The following SAFB variants were observed in gnomAD, a reference collection of about 807,000 sequenced individuals.
SAFB encodes the protein scaffold attachment factor B1.
SAFB carries 15 observed loss-of-function variants against 101.6 expected under a neutral mutation model. That is an observed-to-expected ratio of 0.15 (90% confidence interval 0.10 to 0.23). The LOEUF (loss-of-function observed/expected upper bound fraction) is 0.23. Ranked by LOEUF, SAFB falls within the 10% of genes least tolerant of loss-of-function variation. The pLI, the probability that SAFB is intolerant of heterozygous loss-of-function variation, is 1.00. For synonymous variants in SAFB, 449 were observed against 407.5 expected, an observed-to-expected ratio of 1.10 and a Z score of -1.23; for missense variants, 930 against 1,104.1, an observed-to-expected ratio of 0.84 and a Z score of 2.23.
At chr19:5,661,356 TG>T in intron 14 of SAFB, 161 bp from the exon 15 acceptor site, 1 of 1,281,938 alleles carries the variant, frequency 7.8e-7, no homozygotes. Context: ...GCTGCTCCTG[TG>T]GGCCCGAGAA....
At chr19:5,657,757 T>TTGC (rs1281464106) in intron 14 of SAFB, among the ~76,000 whole-genome samples, 4 of 151,914 alleles carry the variant, frequency 2.6e-5, no homozygotes, top group African/African-American at 9.7e-5. Flanking sequence ...ACTCCTGACC[T>TTGC]CAGGTGATCC....
chr19:5,650,256 C>T (rs1231826781), intron 8 of SAFB, among the ~76,000 whole-genome samples: 2 of 152,158 alleles, frequency 1.3e-5, no homozygotes, highest in Non-Finnish European at 2.9e-5. Context: ...AATAATTTTA[C>T]CCTACCAAAT....
In SAFB at chr19:5,667,978, G is replaced by T. The variant is rs1256540427; in HGVS notation, c.2624+92G>T. ...TAACAACCAAGTCCTTCCAGCTAGT[G>T]CCCCTCCCCCCAAGGGTGACGTGAG... On this transcript the variant is annotated intron_variant, in intron 20 of 20. Coordinates refer to ENST00000588852, the MANE Select transcript of SAFB (RefSeq NM_001201338.2). The surrounding 1 kb of genome is among the most constrained non-coding windows in gnomAD (Gnocchi z 4.0). 1.8e-5 allele frequency: 26 copies of T among 1,444,470 alleles called. No homozygotes were observed. The Admixed American group carries it at 4.5e-4, about 25-fold the overall frequency. The allele number at this position is 1,444,470 out of a possible 1,614,324, so 89.5% of individuals were successfully genotyped here.
intron 2 of SAFB, among the ~76,000 whole-genome samples, chr19:5,632,113 A>G (rs1480852124): frequency 6.6e-6 from 1 of 152,212 alleles, no homozygotes; most frequent in African/African-American, 2.4e-5. Flanking sequence ...GTACAAATTA[A>G]TAGGATGTTT....
chr19:5,651,063 A>G lies in SAFB; in HGVS notation c.1284A>G (p.Lys428=), dbSNP rs775514329. 24 of 1,603,350 alleles carry G rather than the reference A, an allele frequency of 1.5e-5. No individual in the cohort carries two copies. The highest frequency in any genetic ancestry group is 2.0e-5 in the Non-Finnish European group (23 of 1,173,150). ...RATDLKNLFS[K]YGKVVGAKVV... ...CAGATTTGAAGAATCTTTTCAGCAA[A>G]TATGGGAAGGTAAGTGCCAGAGCTT... The change falls in exon 9 of 21, where the codon AAA becomes AAG. Residue 428 remains lysine (K), a synonymous_variant. Coordinates refer to ENST00000588852, the MANE Select transcript of SAFB (RefSeq NM_001201338.2).
intron 1 of SAFB, among the ~76,000 whole-genome samples, chr19:5,624,290 G>A (rs1280780868): frequency 6.6e-6 from 1 of 150,800 alleles, no homozygotes; most frequent in Admixed American, 6.6e-5. Flanking sequence ...GATTAAATAA[G>A]TTTGCGTGGA....
At position 5,650,942 on chromosome 19, in the gene SAFB, TA is replaced by T. The variant is rs1568267512; in HGVS notation, c.1199-35del. The T allele has an allele frequency of 2.4e-6, 3 of 1,237,026 alleles. No individual in the cohort carries two copies. In the Admixed American group the frequency reaches 5.7e-5, roughly 23 times the overall value. 76.6% of individuals were successfully genotyped at this position (1,237,026 alleles called of 1,614,324 possible). A position where few individuals can be genotyped will look rare whatever the true frequency, so the allele number is the denominator to read the frequency against. ...TCTCTAAGACTCAAGATCTTGTGGG[TA>T]TTTGGGTTTTTACTAGAATTTTCTT... On this transcript the variant is annotated intron_variant, in intron 8 of 20. Transcript: ENST00000588852.
At chr19:5,632,200 T>C (rs141436552) in intron 2 of SAFB, among the ~76,000 whole-genome samples, 1,674 of 152,360 alleles carry the variant, frequency 0.011, 9 homozygotes, top group Middle Eastern at 0.051. Flanking sequence ...CCCAATCCTT[T>C]GCTGCTGGCT....
chr19:5,660,890 G>A (rs960065410), intron 14 of SAFB, among the ~76,000 whole-genome samples: 1 of 146,298 alleles, frequency 6.8e-6, no homozygotes, highest in Non-Finnish European at 1.5e-5. Flanking sequence ...TCTAGGGAGT[G>A]AAGGTTCCAA....
chr19:5,637,411 TGA>T (rs1484004163), intron 2 of SAFB, among the ~76,000 whole-genome samples: 1 of 151,362 alleles, frequency 6.6e-6, no homozygotes, highest in Admixed American at 6.6e-5. Context: ...CCCAGCACTT[TGA>T]GAGGCCCAAG....
chr19:5,656,033 ACTGTT>A (rs1401875454), intron 13 of SAFB, among the ~76,000 whole-genome samples: 1 of 152,204 alleles, frequency 6.6e-6, no homozygotes, highest in Non-Finnish European at 1.5e-5. Flanking sequence ...TATTAAATGT[ACTGTT>A]AGATCATATT....
Position 5,654,394 on chromosome 19 carries a change from G to A in SAFB, c.1693G>A (p.Val565Ile). 1.2e-6 allele frequency: 2 copies of A among 1,607,798 alleles called. No homozygotes were observed. Among genetic ancestry groups the A allele is most frequent in the Admixed American group, 1.7e-5 (1 of 59,848 alleles). The change falls in exon 13 of 21, where the codon GTA becomes ATA. Residue 565 changes from valine to isoleucine, a missense_variant. This residue lies in a region of SAFB where 159 missense variants were observed against 234.1 expected (regional missense o/e 0.68). Coordinates refer to ENST00000588852, the MANE Select transcript of SAFB (RefSeq NM_001201338.2). ...AAGTCGAGGGACCGAACGGACTGTAGTAATGGATAAATCCAAAGGGGTGCC... is the reference window on the plus strand; with the variant it reads ...AAGTCGAGGGACCGAACGGACTGTAATAATGGATAAATCCAAAGGGGTGCC... ...SGSRGTERTV[V>I]MDKSKGVPVI...
At chr19:5,658,607 AC>A (rs2054119359) in intron 14 of SAFB, among the ~76,000 whole-genome samples, 1 of 150,132 alleles carries the variant, frequency 6.7e-6, no homozygotes, top group Non-Finnish European at 1.5e-5. Context: ...TGGGAGGCCG[AC>A]CGAGGCTGGC....
At chr19:5,659,694 AG>A (rs1568276857) in intron 14 of SAFB, among the ~76,000 whole-genome samples, 1 of 148,588 alleles carries the variant, frequency 6.7e-6, no homozygotes, top group African/African-American at 2.6e-5. Context: ...TCCTTTAAAA[AG>A]AAAAAAAAAA....
intron 14 of SAFB, 102 bp downstream of exon 14, chr19:5,657,449 G>A (rs1167898119): frequency 1.4e-6 from 1 of 735,108 alleles, no homozygotes; most frequent in Non-Finnish European, 2.3e-6. Context: ...GGATAGAGCT[G>A]TGAACCTTTT....
intron 5 of SAFB, among the ~76,000 whole-genome samples, chr19:5,645,797 G>A (rs937350684): frequency 1.3e-5 from 2 of 152,154 alleles, no homozygotes; most frequent in Non-Finnish European, 2.9e-5. Context: ...GCCCAGATGG[G>A]GATTGAGGGT....
intron 4 of SAFB, among the ~76,000 whole-genome samples, chr19:5,644,648 GA>G (rs1421271631): frequency 1.3e-5 from 2 of 152,184 alleles, no homozygotes; most frequent in African/African-American, 4.8e-5. Context: ...TAAAATATCT[GA>G]AAACGTCTCC....
At chr19:5,635,784 C>T (rs2053582864) in intron 2 of SAFB, among the ~76,000 whole-genome samples, 1 of 152,022 alleles carries the variant, frequency 6.6e-6, no homozygotes, top group African/African-American at 2.4e-5. Flanking sequence ...GAGGCGATGA[C>T]GGTCATGCCC....
chr19:5,653,308 A>T (rs770547498), intron 10 of SAFB, 30 bp from the exon 11 acceptor site: 1 of 1,614,058 alleles, frequency 6.2e-7, no homozygotes, highest in Admixed American at 1.7e-5. Flanking sequence ...ACATTAGGAA[A>T]TGGGGGTAAT....
Sources: gnomAD v4.1 joint callset for allele counts (sites outside exome capture counted in the v4.1 genomes callset) on GRCh38, gnomAD v4.1.1 for gene constraint, gnomAD v4.1.1 regional missense constraint, Gnocchi (gnomAD v3.1) non-coding constraint, MANE v1.5 for transcripts, NCBI Gene and HGNC (gene_info 2026-07-23, HGNC 2026-07-21) for gene names.